GRIA1: variants seen among roughly 807,000 people sequenced by gnomAD.
GRIA1 encodes glutamate ionotropic receptor AMPA type subunit 1, also known as glutamate receptor 1.
A neutral mutation model predicts 99.2 loss-of-function variants in GRIA1; 31 were observed. That is an observed-to-expected ratio of 0.31 (90% CI 0.23 to 0.42). GRIA1 has a LOEUF of 0.42. Ranked by LOEUF, GRIA1 falls within the 10% of genes least tolerant of loss-of-function variation. The pLI, the probability that GRIA1 is intolerant of heterozygous loss-of-function variation, is 1.00. For missense variants in GRIA1, 782 were observed against 1,157.5 expected (o/e 0.68, Z 4.71); for synonymous variants, 438 against 432.4 (o/e 1.01, Z -0.16).
At chr5:153,610,448 G>T (rs1561687739) in intron 2 of GRIA1, among the ~76,000 whole-genome samples, 1 of 152,194 alleles carries the variant, frequency 6.6e-6, no homozygotes, top group Non-Finnish European at 1.5e-5. Flanking sequence ...GATTCCCTGG[G>T]GAAGACAAAA....
At chr5:153,669,011 A>T (rs1178725603) in intron 5 of GRIA1, among the ~76,000 whole-genome samples, 1 of 152,208 alleles carries the variant, frequency 6.6e-6, no homozygotes, top group African/African-American at 2.4e-5. Context: ...CACAGTTTGA[A>T]TTCTTGCTTG....
intron 2 of GRIA1, among the ~76,000 whole-genome samples, chr5:153,503,221 C>T (rs1755174365): frequency 6.6e-6 from 1 of 152,054 alleles, no homozygotes. Flanking sequence ...GAACTATAAA[C>T]CCAGTAGAAC....
At chr5:153,608,096 G>A (rs1286637005) in intron 2 of GRIA1, among the ~76,000 whole-genome samples, 2 of 152,110 alleles carry the variant, frequency 1.3e-5, no homozygotes, top group Admixed American at 6.5e-5. Flanking sequence ...TAATTTAGTT[G>A]TTTCTTGTGA....
At chr5:153,512,120 C>T (rs1449038602) in intron 2 of GRIA1, among the ~76,000 whole-genome samples, 2 of 152,126 alleles carry the variant, frequency 1.3e-5, no homozygotes, top group African/African-American at 4.8e-5. Context: ...GGAGGAGATG[C>T]TGAGATTCAG....
intron 2 of GRIA1, among the ~76,000 whole-genome samples, chr5:153,587,006 TTTCTGC>T (rs1293570471): frequency 6.6e-6 from 1 of 152,196 alleles, no homozygotes; most frequent in African/African-American, 2.4e-5. Context: ...TGCTCACCCA[TTTCTGC>T]TTCTGATTCT....
intron 5 of GRIA1, among the ~76,000 whole-genome samples, chr5:153,658,456 G>A (rs2963942): frequency 0.41 from 61,711 of 151,998 alleles, 13,217 homozygotes; most frequent in Non-Finnish European, 0.45. Flanking sequence ...AATGCTTACA[G>A]CTGCCAGCTA....
At chr5:153,652,228 G>T (rs1754625094) in intron 4 of GRIA1, among the ~76,000 whole-genome samples, 1 of 152,078 alleles carries the variant, frequency 6.6e-6, no homozygotes, top group African/African-American at 2.4e-5. Context: ...TGATAAAAAG[G>T]CAAGATAACA....
chr5:153,583,774 A>C (rs1763240144), intron 2 of GRIA1, among the ~76,000 whole-genome samples: 1 of 152,212 alleles, frequency 6.6e-6, no homozygotes, highest in African/African-American at 2.4e-5. Context: ...GTGTTGAGAC[A>C]CATTGCTCTT....
chr5:153,518,930 C>G (rs1243210369), intron 2 of GRIA1, among the ~76,000 whole-genome samples: 2 of 152,100 alleles, frequency 1.3e-5, no homozygotes, highest in African/African-American at 4.8e-5. Context: ...GATGACCGTC[C>G]TGGACTGGTA....
Position 153,493,984 on chromosome 5 carries a change from T to A in GRIA1, c.139T>A (p.Ser47Thr), listed in dbSNP as rs771472631. The change falls in exon 2 of 16, where the codon TCG becomes ACG. Residue 47 changes from serine to threonine, a missense_variant. Physicochemically the swap from Ser to Thr is moderately conservative, Grantham distance 58. Coordinates refer to ENST00000285900, the MANE Select transcript of GRIA1 (RefSeq NM_000827.4). ...ACATGCTGCTTTTAGATTTGCTTTG[T>A]CGCAACTCACAGAGCCCCCGAAGCT... ...QEHAAFRFAL[S>T]QLTEPPKLLP... 4.3e-6 allele frequency: 7 copies of A among 1,614,086 alleles called. No individual in the cohort carries two copies. The highest frequency in any genetic ancestry group is 5.9e-6 in the Non-Finnish European group (7 of 1,179,938).
intron 14 of GRIA1, among the ~76,000 whole-genome samples, chr5:153,796,254 A>G (rs764177840): frequency 6.6e-6 from 1 of 152,056 alleles, no homozygotes; most frequent in Non-Finnish European, 1.5e-5. Flanking sequence ...CCTGCAGAGG[A>G]TTTAATCCCA....
chr5:153,734,639 G>T (rs1215213829), intron 11 of GRIA1, among the ~76,000 whole-genome samples: 1 of 152,182 alleles, frequency 6.6e-6, no homozygotes, highest in Non-Finnish European at 1.5e-5. Context: ...AATGTATTGT[G>T]ATTTGCACTA....
rs146670664 is a variant in GRIA1 at position 153,644,973 on chromosome 5, A to G, written c.221-1955A>G. ...TATTCATGCTCTGTGTGATGGTCAG[A>G]TGTTGAGACTTTTCCTGTGTGCAAT... On this transcript the variant is annotated intron_variant, in intron 2 of 15. Coordinates refer to ENST00000285900, the MANE Select transcript of GRIA1 (RefSeq NM_000827.4). Among the ~76,000 whole-genome samples the G allele has an allele frequency of 2.6e-3, 389 of 152,116 alleles. 2 individuals are homozygous for G. Among genetic ancestry groups the G allele is most frequent in the African/African-American group, 9.2e-3 (384 of 41,518 alleles).
intron 4 of GRIA1, among the ~76,000 whole-genome samples, chr5:153,651,250 G>T (rs1754551819): frequency 6.6e-6 from 1 of 152,076 alleles, no homozygotes; most frequent in Non-Finnish European, 1.5e-5. Context: ...TACCTGTTTT[G>T]AAAGGCTAAG....
rs550805747 is a variant in GRIA1 at position 153,627,439 on chromosome 5, G to A, written c.221-19489G>A. ...TCTAGCCCAGAGTAGACACAGGCAC[G>A]TGAGCCCAAGTGTTCCAGGTGGCCT... is the stretch of plus-strand genomic sequence containing the variant. On this transcript the variant is annotated intron_variant, in intron 2 of 15. Coordinates refer to ENST00000285900, the MANE Select transcript of GRIA1 (RefSeq NM_000827.4). 6.6e-5 allele frequency among the ~76,000 whole-genome samples: 10 copies of A among 152,252 alleles called. No individual in the cohort carries two copies. In the East Asian group the frequency reaches 1.4e-3, roughly 21 times the overall value.
intron 3 of GRIA1, among the ~76,000 whole-genome samples, chr5:153,648,114 A>G (rs2149454913): frequency 6.6e-6 from 1 of 152,354 alleles, no homozygotes; most frequent in South Asian, 2.1e-4. Context: ...AGGGAGTCTT[A>G]GAAAACTTTT....
chr5:153,574,911 CTA>C, intron 2 of GRIA1, among the ~76,000 whole-genome samples: 1 of 152,192 alleles, frequency 6.6e-6, no homozygotes, highest in South Asian at 2.1e-4. Flanking sequence ...CCTTGACAAA[CTA>C]TGAGATTTCT....
intron 2 of GRIA1, among the ~76,000 whole-genome samples, chr5:153,572,016 C>G (rs1367967415): frequency 6.6e-6 from 1 of 152,146 alleles, no homozygotes; most frequent in Non-Finnish European, 1.5e-5. Flanking sequence ...ACTGGTTACC[C>G]TTAGATAGTG....
chr5:153,543,701 A>T (rs536941661), intron 2 of GRIA1, among the ~76,000 whole-genome samples: 63 of 144,290 alleles, frequency 4.4e-4, no homozygotes, highest in African/African-American at 1.5e-3. Context: ...AAATGAGATT[A>T]AAAAAAGTCA....
Sources: gnomAD v4.1 joint callset for allele counts (sites outside exome capture counted in the v4.1 genomes callset) on GRCh38, gnomAD v4.1.1 for gene constraint, MANE v1.5 for transcripts, NCBI Gene and HGNC (gene_info 2026-07-23, HGNC 2026-07-21) for gene names.